SRGAP2C: variants seen among roughly 807,000 people sequenced by gnomAD.
SRGAP2C encodes SLIT-ROBO Rho GTPase activating protein 2C, also known as SLIT-ROBO Rho GTPase-activating protein 2C.
Under a neutral mutation model 25.1 loss-of-function variants are expected in SRGAP2C, and 15 were observed. The ratio of observed to expected loss-of-function variants is 0.60; its 90% CI spans 0.40 to 0.92. The LOEUF is 0.92. Ranked by LOEUF, SRGAP2C falls within the 40% of genes least tolerant of loss-of-function variation. SRGAP2C has a pLI of 0.00. For missense variants in SRGAP2C, 144 were observed against 264.4 expected (o/e 0.54, Z 3.16); for synonymous variants, 44 against 96.6 (o/e 0.46, Z 3.19).
chr1:121,204,103 C>G (rs1655057396), intron 2 of SRGAP2C, among the ~76,000 whole-genome samples: 1 of 86,020 alleles, frequency 1.2e-5, no homozygotes, highest in Non-Finnish European at 2.2e-5. Flanking sequence ...AGGAGAATCT[C>G]TTGAGCCCAG....
intron 3 of SRGAP2C, 133 bp downstream of exon 3, chr1:121,285,128 G>A: frequency 2.1e-6 from 1 of 483,632 alleles, no homozygotes; most frequent in East Asian, 3.2e-5. Context: ...AGCCCTCAAG[G>A]ACTTCTCATT....
chr1:121,234,963 T>A (rs1240698888), intron 2 of SRGAP2C, among the ~76,000 whole-genome samples: 3 of 151,786 alleles, frequency 2.0e-5, no homozygotes, highest in African/African-American at 4.9e-5. Flanking sequence ...TCTTTTCTTC[T>A]TTTCTTTCCT....
chr1:121,207,508 T>C, intron 2 of SRGAP2C, among the ~76,000 whole-genome samples: 1 of 152,062 alleles, frequency 6.6e-6, no homozygotes, highest in East Asian at 1.9e-4. Context: ...TGGGAGAGGC[T>C]GAGTTCAGCA....
intron 3 of SRGAP2C, among the ~76,000 whole-genome samples, chr1:121,289,402 CG>C (rs1657446831): frequency 6.7e-6 from 1 of 149,604 alleles, no homozygotes; most frequent in African/African-American, 2.5e-5. Flanking sequence ...GCTCCGAGTG[CG>C]GGGCCCACCA....
At chr1:121,201,872 G>A (rs1441541035) in intron 2 of SRGAP2C, among the ~76,000 whole-genome samples, 1 of 152,156 alleles carries the variant, frequency 6.6e-6, no homozygotes, top group Non-Finnish European at 1.5e-5. Flanking sequence ...GTAGGAGTGA[G>A]GAGCTAGCAT....
chr1:121,241,266 A>G lies in SRGAP2C; in HGVS notation c.68-43537A>G, dbSNP rs1429670214. Among the ~76,000 whole-genome samples the G allele has an allele frequency of 3.0e-5, 2 of 66,826 alleles. 1 individual carries two copies. Among genetic ancestry groups the G allele is most frequent in the Non-Finnish European group, 5.6e-5 (2 of 35,862 alleles). 43.8% of individuals were successfully genotyped at this position (66,826 alleles called of 152,430 possible). A position where few individuals can be genotyped will look rare whatever the true frequency, so the allele number is the denominator to read the frequency against. On this transcript the variant is annotated intron_variant, in intron 2 of 9. Coordinates refer to ENST00000367123, the MANE Select transcript of SRGAP2C (RefSeq NM_001329984.2). ...TGTTAAATATTAATAAATTTATTAA[A>G]TATTATTAAATTTATTAAATATTGT...
chr1:121,387,339 TATA>T (rs1460274123), intron 9 of SRGAP2C, among the ~76,000 whole-genome samples: 1 of 32,266 alleles, frequency 3.1e-5, no homozygotes, highest in African/African-American at 1.4e-4. Context: ...AATGTTGTTA[TATA>T]ATATTATAAT....
chr1:121,363,539 GT>G (rs1659250004), intron 4 of SRGAP2C, among the ~76,000 whole-genome samples: 2 of 117,804 alleles, frequency 1.7e-5, no homozygotes, highest in African/African-American at 6.6e-5. Context: ...AATTGGTACC[GT>G]TTTTCTCAAA....
intron 5 of SRGAP2C, among the ~76,000 whole-genome samples, chr1:121,365,915 C>A (rs1312529375): frequency 4.8e-5 from 7 of 145,752 alleles, no homozygotes; most frequent in African/African-American, 1.5e-4. Context: ...AGTGACGAGG[C>A]AGGCTGCGGG....
chr1:121,280,014 CT>C (rs1211810840), intron 2 of SRGAP2C, among the ~76,000 whole-genome samples: 8 of 151,874 alleles, frequency 5.3e-5, no homozygotes, highest in South Asian at 2.1e-4. Flanking sequence ...ATTTTTTAAT[CT>C]TTTTTTTCAG....
At chr1:121,239,295 T>C (rs188592306) in intron 2 of SRGAP2C, among the ~76,000 whole-genome samples, 68 of 15,514 alleles carry the variant, frequency 4.4e-3, no homozygotes, top group Non-Finnish European at 5.6e-3. Flanking sequence ...TATATATATA[T>C]ATATACATGC....
At chr1:121,217,676 T>C in intron 2 of SRGAP2C, among the ~76,000 whole-genome samples, 2 of 152,356 alleles carry the variant, frequency 1.3e-5, no homozygotes, top group Middle Eastern at 6.8e-3. Context: ...TGAGACTCTG[T>C]GCTGCTTCTC....
intron 2 of SRGAP2C, among the ~76,000 whole-genome samples, chr1:121,204,329 G>C (rs1353278771): frequency 6.6e-6 from 1 of 151,180 alleles, no homozygotes; most frequent in Non-Finnish European, 1.5e-5. Flanking sequence ...TATATGTTCT[G>C]CCTACATCCC....
intron 4 of SRGAP2C, among the ~76,000 whole-genome samples, chr1:121,332,651 G>C (rs1293695600): frequency 2.1e-5 from 3 of 143,374 alleles, no homozygotes; most frequent in African/African-American, 5.2e-5. Flanking sequence ...AATGAATCTG[G>C]TAGTTAAAAA....
At position 121,196,296 on chromosome 1, in the gene SRGAP2C, A is replaced by G. The variant is rs1211759160; in HGVS notation, c.67+8783A>G. ...GAAACTCCATCTCAAAAAAAAAAAA[A>G]AAAAGAAAAGAAAGAAAGAAATCTC... On this transcript the variant is annotated intron_variant, in intron 2 of 9. Coordinates refer to ENST00000367123, the MANE Select transcript of SRGAP2C (RefSeq NM_001329984.2). 4.1e-5 allele frequency among the ~76,000 whole-genome samples: 3 copies of G among 72,672 alleles called. 1 individual carries two copies. Among genetic ancestry groups the G allele is most frequent in the Non-Finnish European group, 7.9e-5 (3 of 37,736 alleles). The allele number at this position is 72,672 out of a possible 152,430, so 47.7% of individuals were successfully genotyped here. A position where few individuals can be genotyped will look rare whatever the true frequency, so the allele number is the denominator to read the frequency against.
intron 2 of SRGAP2C, among the ~76,000 whole-genome samples, chr1:121,212,671 A>G (rs1173557372): frequency 6.6e-6 from 1 of 151,744 alleles, no homozygotes; most frequent in East Asian, 1.9e-4. Context: ...TTGGTACCCT[A>G]TTTGCCAACA....
At chr1:121,303,987 G>A (rs1173344403) in intron 3 of SRGAP2C, among the ~76,000 whole-genome samples, 14 of 147,234 alleles carry the variant, frequency 9.5e-5, no homozygotes, top group African/African-American at 3.2e-4. Flanking sequence ...GGCCGATCAT[G>A]AGGTCAGGAG....
intron 4 of SRGAP2C, chr1:121,362,686 C>T (rs1226005930): frequency 6.6e-6 from 1 of 151,646 alleles, no homozygotes; most frequent in African/African-American, 2.4e-5. Flanking sequence ...AAGTGATACT[C>T]ATGGTCACTT....
intron 2 of SRGAP2C, among the ~76,000 whole-genome samples, chr1:121,283,752 T>G (rs1403189868): frequency 1.3e-5 from 2 of 151,320 alleles, no homozygotes; most frequent in East Asian, 3.9e-4. Flanking sequence ...GATTGGGACA[T>G]AACTTCAGCA....
Sources: allele counts gnomAD v4.1 joint callset (sites outside exome capture counted in the v4.1 genomes callset), GRCh38; gene constraint gnomAD v4.1.1; transcripts MANE v1.5; gene names NCBI Gene and HGNC (gene_info 2026-07-23, HGNC 2026-07-21).